Variants in ACSL3 observed in about 807,000 individuals in gnomAD.
ACSL3 encodes the protein acyl-CoA synthetase long chain family member 3.
A neutral mutation model predicts 84.7 loss-of-function variants in ACSL3; 34 were observed. That is an observed-to-expected ratio of 0.40 (90% CI 0.31 to 0.53). The LOEUF (loss-of-function observed/expected upper bound fraction) is 0.53. Ranked by LOEUF, ACSL3 falls within the 20% of genes least tolerant of loss-of-function variation. The probability of loss-of-function intolerance (pLI) is 0.48; values close to 1 mark genes in which losing one functional copy is unlikely to be tolerated. For missense variants in ACSL3, 680 were observed against 873.1 expected, an observed-to-expected ratio of 0.78 and a Z score of 2.79; for synonymous variants, 315 against 299.4, an observed-to-expected ratio of 1.05 and a Z score of -0.54.
At chr2:222,920,689 C>T (rs77024837) in intron 7 of ACSL3, among the ~76,000 whole-genome samples, 1 of 152,148 alleles carries the variant, frequency 6.6e-6, no homozygotes, top group Non-Finnish European at 1.5e-5. Flanking sequence ...ATAACATACT[C>T]CTGTTCAAAA....
chr2:222,893,512 G>C (rs1223923402), intron 2 of ACSL3, among the ~76,000 whole-genome samples: 1 of 152,070 alleles, frequency 6.6e-6, no homozygotes, highest in African/African-American at 2.4e-5. Flanking sequence ...TTACCATGTT[G>C]TATCTCTCTT....
chr2:222,909,894 A>G (rs1457589263), intron 4 of ACSL3, among the ~76,000 whole-genome samples: 1 of 149,228 alleles, frequency 6.7e-6, no homozygotes, highest in Non-Finnish European at 1.5e-5. Flanking sequence ...TTCACTTTAC[A>G]GATGACAGCA....
chr2:222,927,298 C>T, intron 12 of ACSL3, 109 bp downstream of exon 12: 1 of 1,123,132 alleles, frequency 8.9e-7, no homozygotes, highest in Non-Finnish European at 1.2e-6. Flanking sequence ...GTTTGTGAGG[C>T]AGAATAATGG....
chr2:222,934,475 C>A, intron 15 of ACSL3, 55 bp from the exon 16 acceptor site: 1 of 1,356,434 alleles, frequency 7.4e-7, no homozygotes, highest in East Asian at 2.7e-5. Context: ...ATAATAACTG[C>A]AGTCAACACA....
At chr2:222,866,003 T>G (rs2106078947) in intron 1 of ACSL3, among the ~76,000 whole-genome samples, 1 of 152,348 alleles carries the variant, frequency 6.6e-6, no homozygotes, top group South Asian at 2.1e-4. Flanking sequence ...AGAAAGTAAC[T>G]GAACTTAATT....
intron 1 of ACSL3, among the ~76,000 whole-genome samples, chr2:222,882,761 GTTTTTTTTT>G (rs71408540): frequency 0.022 from 2,592 of 119,978 alleles, 102 homozygotes; most frequent in African/African-American, 0.076. Flanking sequence ...CCAGATCACT[GTTTTTTTTT>G]TTTTTTTTTT....
intron 1 of ACSL3, among the ~76,000 whole-genome samples, chr2:222,862,859 C>T (rs887944610): frequency 2.0e-5 from 3 of 152,240 alleles, no homozygotes; most frequent in South Asian, 2.1e-4. Flanking sequence ...CTTAAATATT[C>T]TGAGGGTCTA....
chr2:222,889,350 G>A (rs112045113), intron 2 of ACSL3, among the ~76,000 whole-genome samples: 1 of 152,102 alleles, frequency 6.6e-6, no homozygotes, highest in South Asian at 2.1e-4. Context: ...TCATAATTTT[G>A]CCTAAAAAGA....
chr2:222,882,761 G>GTTTTTTTTTTTTTTTTTTTTTTTTTT (rs71408540), intron 1 of ACSL3, among the ~76,000 whole-genome samples: 1 of 119,982 alleles, frequency 8.3e-6, no homozygotes, highest in Non-Finnish European at 1.7e-5. Flanking sequence ...CCAGATCACT[G>GTTTTTTTTTTTTTTTTTTTTTTTTTT]TTTTTTTTTT....
At chr2:222,885,882 A>G (rs1574526608) in intron 1 of ACSL3, among the ~76,000 whole-genome samples, 1 of 151,926 alleles carries the variant, frequency 6.6e-6, no homozygotes, top group Non-Finnish European at 1.5e-5. Flanking sequence ...AGCTGGGACT[A>G]TATGTGCACG....
At position 222,943,345 on chromosome 2, in the gene ACSL3, A is replaced by G. The variant is rs772311095; in HGVS notation, c.*1691A>G. 4 of 187,738 alleles carry G rather than the reference A, an allele frequency of 2.1e-5. No individual in the cohort carries two copies. The highest frequency in any genetic ancestry group is 4.5e-5 in the Non-Finnish European group (4 of 89,158). The allele number at this position is 187,738 out of a possible 1,614,324, so 11.6% of individuals were successfully genotyped here. ...TGCCAAGAAGAAGTAAAAATATTGA[A>G]TGGAACTTCTATATGAGGATGCTGT... is the stretch of plus-strand genomic sequence containing the variant. On this transcript the variant is annotated 3_prime_UTR_variant, in exon 17 of 17. Transcript: ENST00000357430.
intron 1 of ACSL3, among the ~76,000 whole-genome samples, chr2:222,880,831 C>CA (rs34509695): frequency 0.14 from 10,729 of 75,090 alleles, 586 homozygotes; most frequent in African/African-American, 0.25. Context: ...CTCTGTCTCC[C>CA]AAAAAAAAAA....
intron 5 of ACSL3, chr2:222,916,732 C>T (rs896057277): frequency 2.1e-5 from 7 of 334,650 alleles, no homozygotes; most frequent in African/African-American, 8.4e-5. Context: ...ACTTTCAGGT[C>T]TTGAGAACTA....
intron 1 of ACSL3, among the ~76,000 whole-genome samples, chr2:222,878,776 C>T (rs1042930036): frequency 3.3e-5 from 5 of 152,160 alleles, no homozygotes; most frequent in East Asian, 3.9e-4. Context: ...CCTCGTTACA[C>T]GCCACCATTC....
chr2:222,907,756 T>TAA (rs34528925), intron 3 of ACSL3, among the ~76,000 whole-genome samples: 4 of 139,008 alleles, frequency 2.9e-5, no homozygotes, highest in African/African-American at 5.4e-5. Context: ...ATCCTGTCTT[T>TAA]AAAAAAAAAA....
chr2:222,883,274 G>A lies in ACSL3; in HGVS notation c.-206-4556G>A, dbSNP rs533764904. 5.4e-5 allele frequency among the ~76,000 whole-genome samples: 8 copies of A among 149,192 alleles called. No individual in the cohort carries two copies. In the South Asian group the frequency reaches 8.6e-4, roughly 16 times the overall value. On this transcript the variant is annotated intron_variant, in intron 1 of 16. Transcript: ENST00000357430. Reference sequence around the variant, plus strand: ...TGGCTCACTGCAACCTCCCCCTCCCGGGTTCAAGCGATTCTACTGTGTCAG... The same window carrying A: ...TGGCTCACTGCAACCTCCCCCTCCCAGGTTCAAGCGATTCTACTGTGTCAG...
chr2:222,871,789 G>T (rs890177070), intron 1 of ACSL3, among the ~76,000 whole-genome samples: 16 of 152,134 alleles, frequency 1.1e-4, no homozygotes, highest in African/African-American at 3.6e-4. Context: ...TGGGTGAGGG[G>T]TTGTGGGGTT....
intron 7 of ACSL3, among the ~76,000 whole-genome samples, chr2:222,920,065 G>A (rs964055630): frequency 1.3e-5 from 2 of 152,118 alleles, no homozygotes; most frequent in Non-Finnish European, 1.5e-5. Flanking sequence ...GGAAGCCAAG[G>A]GAAAGGAGAT....
intron 1 of ACSL3, among the ~76,000 whole-genome samples, chr2:222,875,110 T>C (rs1379085217): frequency 1.3e-5 from 2 of 152,214 alleles, no homozygotes; most frequent in African/African-American, 2.4e-5. Flanking sequence ...AAGGATAATA[T>C]ATACAAAGTG....
Sources: gnomAD v4.1 joint callset for allele counts (sites outside exome capture counted in the v4.1 genomes callset) on GRCh38, gnomAD v4.1.1 for gene constraint, MANE v1.5 for transcripts, NCBI Gene and HGNC (gene_info 2026-07-23, HGNC 2026-07-21) for gene names.